The following DSCAM variants were observed in gnomAD, a reference collection of about 807,000 sequenced individuals.
DSCAM encodes the protein cell adhesion molecule DSCAM.
In DSCAM, 47 loss-of-function variants were observed where a neutral mutation model predicts 217.7. The observed-to-expected ratio is 0.22, with a 90% CI of 0.17 to 0.28. The LOEUF (loss-of-function observed/expected upper bound fraction) is 0.28. Among genes scored for constraint, DSCAM ranks in the 10% least tolerant of loss-of-function variants. The pLI is 1.00. For synonymous variants in DSCAM, 1,056 were observed against 1,015.3 expected, an observed-to-expected ratio of 1.04 and a Z score of -0.76; for missense variants, 2,080 against 2,618.3, an observed-to-expected ratio of 0.79 and a Z score of 4.49.
chr21:40,688,358 A>G (rs2090504735), intron 3 of DSCAM, among the ~76,000 whole-genome samples: 2 of 152,206 alleles, frequency 1.3e-5, no homozygotes, highest in Admixed American at 1.3e-4. Flanking sequence ...AGGCTTGTGA[A>G]GGGAAACCCA....
intron 3 of DSCAM, among the ~76,000 whole-genome samples, chr21:40,453,299 A>C (rs146457066): frequency 5.3e-4 from 81 of 152,260 alleles, no homozygotes; most frequent in African/African-American, 1.9e-3. Context: ...GATCTACTGA[A>C]AAAGCAATGC....
chr21:40,097,956 AAGAAAGAAAG>A lies in DSCAM; in HGVS notation c.3697-4092_3697-4083del, dbSNP rs1490838041. ...ACTCTGTCTCAAAAAAAAAAAAAAA[AAGAAAGAAAG>A]AAAGAAAGAAAGAAAGAAAGAAAGA... On this transcript the variant is annotated intron_variant, in intron 20 of 32. Transcript: ENST00000400454. 1.8e-3 allele frequency among the ~76,000 whole-genome samples: 62 copies of A among 33,922 alleles called. 3 individuals carry two copies. The highest frequency in any genetic ancestry group is 0.01 in the African/African-American group (55 of 5,330). 22.3% of individuals were successfully genotyped at this position (33,922 alleles called of 152,430 possible).
intron 3 of DSCAM, among the ~76,000 whole-genome samples, chr21:40,456,795 T>C (rs28410586): frequency 0.074 from 11,317 of 152,224 alleles, 836 homozygotes; most frequent in African/African-American, 0.18. Context: ...AGGTAATGGT[T>C]AATGGGTGCT....
intron 32 of DSCAM, among the ~76,000 whole-genome samples, chr21:40,024,899 A>G (rs1276608961): frequency 4.9e-5 from 4 of 81,158 alleles, no homozygotes; most frequent in Non-Finnish European, 1.1e-4. Context: ...CAGAACTTCC[A>G]ACACTATGTT....
In DSCAM at chr21:40,700,735, C is replaced by CTT. The variant is rs775869471; in HGVS notation, c.361+7717_361+7718dup. Among the ~76,000 whole-genome samples the CTT allele has an allele frequency of 2.4e-3, 330 of 137,958 alleles. 2 individuals are homozygous for CTT. Among genetic ancestry groups the CTT allele is most frequent in the African/African-American group, 7.4e-3 (279 of 37,630 alleles). The allele number at this position is 137,958 out of a possible 152,430, so 90.5% of individuals were successfully genotyped here. On this transcript the variant is annotated intron_variant, in intron 2 of 32. Coordinates refer to ENST00000400454, the MANE Select transcript of DSCAM (RefSeq NM_001389.5). ...TATAATTTTTATTCTTTCTTTCTTT[C>CTT]TTTTTTTTTTTTTTTGAGATGGAGT...
At chr21:40,791,113 G>A (rs2123464094) in intron 1 of DSCAM, among the ~76,000 whole-genome samples, 1 of 151,602 alleles carries the variant, frequency 6.6e-6, no homozygotes, top group Admixed American at 6.6e-5. Flanking sequence ...GAACCCAGGA[G>A]GCAGAGGTAC....
chr21:40,454,689 T>C (rs1277811280), intron 3 of DSCAM, among the ~76,000 whole-genome samples: 1 of 152,192 alleles, frequency 6.6e-6, no homozygotes, highest in Non-Finnish European at 1.5e-5. Context: ...AATGTAGAAG[T>C]CGCCACAAGA....
At chr21:40,620,242 G>C (rs866187852) in intron 3 of DSCAM, among the ~76,000 whole-genome samples, 1 of 93,168 alleles carries the variant, frequency 1.1e-5, no homozygotes, top group Non-Finnish European at 2.1e-5. Context: ...AAGAAAGAGA[G>C]AGAAAGAGAG....
chr21:40,442,316 A>G (rs902635474), intron 3 of DSCAM, among the ~76,000 whole-genome samples: 1 of 152,060 alleles, frequency 6.6e-6, no homozygotes, highest in African/African-American at 2.4e-5. Flanking sequence ...AAATGGTCAC[A>G]GTATCCATCT....
intron 3 of DSCAM, among the ~76,000 whole-genome samples, chr21:40,435,682 T>C (rs780420482): frequency 7.2e-5 from 11 of 152,210 alleles, no homozygotes; most frequent in Non-Finnish European, 1.6e-4. Flanking sequence ...TTGTCAAAAA[T>C]CAGCTGAGCA....
Position 40,440,274 on chromosome 21 carries a change from A to G in DSCAM, c.509-71029T>C, listed in dbSNP as rs1049061369. Among the ~76,000 whole-genome samples, 24 of 151,346 alleles carry G rather than the reference A, an allele frequency of 1.6e-4. 1 individual carries two copies. Among genetic ancestry groups the G allele is most frequent in the South Asian group, 8.4e-4 (4 of 4,742 alleles). On this transcript the variant is annotated intron_variant, in intron 3 of 32. Coordinates refer to ENST00000400454, the MANE Select transcript of DSCAM (RefSeq NM_001389.5). The stretch of plus-strand genomic sequence containing the variant: ...GGTAATCACAAATGTTAAAGGCTCC[A>G]AAGTCCAAAGGCTCAGGCCTGAGTC...
chr21:40,672,406 C>A (rs2090288120), intron 3 of DSCAM, among the ~76,000 whole-genome samples: 1 of 151,950 alleles, frequency 6.6e-6, no homozygotes. Context: ...CTTCAAAGGC[C>A]AAAACTATCC....
intron 3 of DSCAM, among the ~76,000 whole-genome samples, chr21:40,592,599 CCT>C (rs1352434184): frequency 6.6e-6 from 1 of 152,146 alleles, no homozygotes; most frequent in Non-Finnish European, 1.5e-5. Context: ...CTCTTTCTTG[CCT>C]CTGTGTGCTT....
At chr21:40,801,463 T>C (rs2091739802) in intron 1 of DSCAM, among the ~76,000 whole-genome samples, 1 of 152,178 alleles carries the variant, frequency 6.6e-6, no homozygotes, top group African/African-American at 2.4e-5. Flanking sequence ...AGCCAGGTGC[T>C]TTTCCTCAAG....
At chr21:40,795,456 T>C (rs2091683616) in intron 1 of DSCAM, among the ~76,000 whole-genome samples, 1 of 152,178 alleles carries the variant, frequency 6.6e-6, no homozygotes, top group Admixed American at 6.5e-5. Context: ...CAGACTCCTA[T>C]TTATTTAGGC....
At chr21:40,199,519 T>C (rs753016762) in intron 11 of DSCAM, among the ~76,000 whole-genome samples, 28 of 152,182 alleles carry the variant, frequency 1.8e-4, no homozygotes, top group Non-Finnish European at 3.5e-4. Context: ...TAACCAGTAA[T>C]GGGATTGCTG....
intron 3 of DSCAM, chr21:40,615,323 A>AATATT (rs2089377759): frequency 6.6e-6 from 1 of 151,128 alleles, no homozygotes; most frequent in African/African-American, 2.4e-5. Context: ...AATTGATGGG[A>AATATT]ATATTATATA....
chr21:40,714,021 A>T (rs958159679), intron 1 of DSCAM, among the ~76,000 whole-genome samples: 6 of 152,172 alleles, frequency 3.9e-5, no homozygotes, highest in Admixed American at 2.0e-4. Context: ...ACTAATCATA[A>T]ACTTTGGTGG....
chr21:40,795,686 A>G (rs963331627), intron 1 of DSCAM, among the ~76,000 whole-genome samples: 5 of 152,244 alleles, frequency 3.3e-5, no homozygotes, highest in African/African-American at 9.6e-5. Flanking sequence ...TTCAGAGAAT[A>G]ATCAGGGGAA....
Sources: gnomAD v4.1 joint callset for allele counts (sites outside exome capture counted in the v4.1 genomes callset) on GRCh38, gnomAD v4.1.1 for gene constraint, MANE v1.5 for transcripts, NCBI Gene and HGNC (gene_info 2026-07-23, HGNC 2026-07-21) for gene names.